The following MIPOL1 variants were observed in gnomAD, a reference collection of about 807,000 sequenced individuals.
MIPOL1 encodes the protein mirror-image polydactyly gene 1 protein.
Under a neutral mutation model 60.9 loss-of-function variants are expected in MIPOL1, and 57 were observed. That is an observed-to-expected ratio of 0.94 (90% CI 0.76 to 1.17). The LOEUF (loss-of-function observed/expected upper bound fraction) is 1.17. Among genes scored for constraint, MIPOL1 ranks in the 50% most tolerant of loss-of-function variants. The pLI is 0.00. For missense variants in MIPOL1, 551 were observed against 511.6 expected (o/e 1.08, Z -0.74); for synonymous variants, 179 against 168.8 (o/e 1.06, Z -0.47).
At chr14:37,369,399 C>CA (rs35277854) in intron 9 of MIPOL1, 118 bp from the exon 10 acceptor site, 290,457 of 373,802 alleles carry the variant, frequency 0.78, 104,005 homozygotes, top group African/African-American at 0.88. Flanking sequence ...ATTCTTGTTG[C>CA]AAAAAAAAAA....
chr14:37,389,176 A>G (rs1253094285), intron 10 of MIPOL1, among the ~76,000 whole-genome samples: 1 of 152,090 alleles, frequency 6.6e-6, no homozygotes, highest in East Asian at 1.9e-4. Flanking sequence ...TGATTTTCTA[A>G]AAGAAATTGG....
At chr14:37,482,858 T>G (rs757668078) in intron 11 of MIPOL1, among the ~76,000 whole-genome samples, 3 of 152,170 alleles carry the variant, frequency 2.0e-5, no homozygotes, top group Non-Finnish European at 2.9e-5. Context: ...CATAAATTAA[T>G]TCAGCTGTCC....
At chr14:37,247,308 A>G (rs1973336125) in intron 2 of MIPOL1, 68 bp downstream of exon 2, 1 of 152,472 alleles carries the variant, frequency 6.6e-6, no homozygotes, top group African/African-American at 2.4e-5. Context: ...CATGTTTACT[A>G]CAAAAACAAA....
At chr14:37,394,084 A>ATATATATATC (rs1491106712) in intron 10 of MIPOL1, among the ~76,000 whole-genome samples, 9 of 134,664 alleles carry the variant, frequency 6.7e-5, no homozygotes, top group African/African-American at 5.7e-5. Context: ...ATATATATAT[A>ATATATATATC]TCTCCATGTT....
Position 37,499,545 on chromosome 14 carries a change from C to T in MIPOL1, c.1032-363C>T, listed in dbSNP as rs189866448. Among the ~76,000 whole-genome samples the T allele has an allele frequency of 2.4e-3, 370 of 152,230 alleles. 1 individual carries two copies. The highest frequency in any genetic ancestry group is 3.9e-3 in the Non-Finnish European group (265 of 67,994). ...GATCTCCTAAACCAATGCCCATTCT[C>T]TTCTCACTTCTTTCAGCTTATTACA... On this transcript the variant is annotated intron_variant, in intron 11 of 12. Coordinates refer to ENST00000684589, the MANE Select transcript of MIPOL1 (RefSeq NM_001388067.1).
intron 11 of MIPOL1, among the ~76,000 whole-genome samples, chr14:37,494,504 G>A (rs1307729486): frequency 1.3e-5 from 2 of 152,118 alleles, no homozygotes; most frequent in African/African-American, 2.4e-5. Flanking sequence ...AACTTGACAC[G>A]CTTGAGAATC....
intron 10 of MIPOL1, among the ~76,000 whole-genome samples, chr14:37,394,084 A>ATATATATATATATC (rs1491106712): frequency 3.7e-5 from 5 of 134,674 alleles, no homozygotes; most frequent in Admixed American, 1.5e-4. Context: ...ATATATATAT[A>ATATATATATATATC]TCTCCATGTT....
At chr14:37,345,810 A>G (rs1337393662) in intron 9 of MIPOL1, among the ~76,000 whole-genome samples, 1 of 152,176 alleles carries the variant, frequency 6.6e-6, no homozygotes, top group Non-Finnish European at 1.5e-5. Context: ...AATAAAACTT[A>G]TGTGTGTTCA....
At chr14:37,537,313 A>G (rs930075329) in intron 12 of MIPOL1, among the ~76,000 whole-genome samples, 4 of 152,114 alleles carry the variant, frequency 2.6e-5, no homozygotes, top group African/African-American at 9.7e-5. Flanking sequence ...GATTTTTAAC[A>G]CTATCCTTTG....
intron 9 of MIPOL1, among the ~76,000 whole-genome samples, chr14:37,323,311 CTCT>C (rs1464559537): frequency 1.3e-5 from 2 of 151,938 alleles, no homozygotes; most frequent in African/African-American, 4.8e-5. Context: ...TTTCTGAGGC[CTCT>C]GTTATGTTCC....
chr14:37,233,742 G>A (rs1970998964), intron 1 of MIPOL1, among the ~76,000 whole-genome samples: 1 of 152,158 alleles, frequency 6.6e-6, no homozygotes, highest in Non-Finnish European at 1.5e-5. Context: ...TGGGGGAGGA[G>A]GCCTCTCTGG....
At chr14:37,331,487 TTTGA>T (rs1167452628) in intron 9 of MIPOL1, among the ~76,000 whole-genome samples, 12 of 152,058 alleles carry the variant, frequency 7.9e-5, no homozygotes, top group Non-Finnish European at 1.3e-4. Flanking sequence ...TTTTTACTTC[TTTGA>T]TTAAGTTTAT....
In MIPOL1 at chr14:37,285,845, G is replaced by A. The variant is rs143428022; in HGVS notation, c.623+398G>A. 6.8e-4 allele frequency among the ~76,000 whole-genome samples: 104 copies of A among 152,018 alleles called. 1 individual carries two copies. The East Asian group carries it at 0.019, about 28-fold the overall frequency. ...CTGACCTTGTGATCTGCCCACCTTAGCCTCCCTCAGTGCTGAGATTAGAGG... is the reference window on the plus strand; with the variant it reads ...CTGACCTTGTGATCTGCCCACCTTAACCTCCCTCAGTGCTGAGATTAGAGG... On this transcript the variant is annotated intron_variant, in intron 7 of 12. Transcript: ENST00000684589.
intron 1 of MIPOL1, among the ~76,000 whole-genome samples, chr14:37,215,219 T>C (rs188229157): frequency 1.3e-5 from 2 of 152,166 alleles, no homozygotes; most frequent in Non-Finnish European, 2.9e-5. Context: ...ACCTTACCTA[T>C]CATTGGAGAT....
intron 11 of MIPOL1, among the ~76,000 whole-genome samples, chr14:37,491,075 T>G (rs2095041003): frequency 6.6e-6 from 1 of 152,218 alleles, no homozygotes; most frequent in South Asian, 2.1e-4. Flanking sequence ...CTTTGTTGCC[T>G]GAGAACTATA....
At chr14:37,485,683 T>G (rs574017398) in intron 11 of MIPOL1, among the ~76,000 whole-genome samples, 4 of 152,304 alleles carry the variant, frequency 2.6e-5, no homozygotes, top group Middle Eastern at 3.4e-3. Context: ...GGGTTGTTTG[T>G]TTTTTTCTTG....
chr14:37,400,210 G>T (rs932162741), intron 10 of MIPOL1: 6 of 151,952 alleles, frequency 3.9e-5, no homozygotes, highest in Admixed American at 6.6e-5. Flanking sequence ...GATTGCAGGG[G>T]GCCCCTTAAA....
chr14:37,466,863 G>A (rs935506071), intron 11 of MIPOL1, among the ~76,000 whole-genome samples: 2 of 152,178 alleles, frequency 1.3e-5, no homozygotes, highest in African/African-American at 4.8e-5. Flanking sequence ...TTACAGCACA[G>A]TAGCTATCAA....
chr14:37,506,251 C>T (rs1183222030), intron 12 of MIPOL1: 1 of 152,180 alleles, frequency 6.6e-6, no homozygotes, highest in East Asian at 1.9e-4. Flanking sequence ...GAAAAAACTA[C>T]TTTAAAGTTC....
Sources: allele counts gnomAD v4.1 joint callset (sites outside exome capture counted in the v4.1 genomes callset), GRCh38; gene constraint gnomAD v4.1.1; transcripts MANE v1.5; gene names NCBI Gene and HGNC (gene_info 2026-07-23, HGNC 2026-07-21).